The following PCDHA12 variants were observed in gnomAD, a reference collection of about 807,000 sequenced individuals.
The protein encoded by PCDHA12 is protocadherin alpha-12.
Under a neutral mutation model 60.0 loss-of-function variants are expected in PCDHA12, and 44 were observed. That is an observed-to-expected ratio of 0.73 (90% CI 0.58 to 0.94). The LOEUF (loss-of-function observed/expected upper bound fraction) is 0.94. Among genes scored for constraint, PCDHA12 ranks in the 40% least tolerant of loss-of-function variants. The pLI is 0.00. For missense variants in PCDHA12, 1,276 were observed against 1,239.7 expected (o/e 1.03, Z -0.44); for synonymous variants, 569 against 553.0 (o/e 1.03, Z -0.40).
intron 1 of PCDHA12, among the ~76,000 whole-genome samples, chr5:140,972,039 C>A (rs1274808907): frequency 2.6e-5 from 4 of 152,150 alleles, no homozygotes; most frequent in African/African-American, 9.7e-5. Context: ...TTTAAGCTAT[C>A]ACTAATTCAC....
chr5:140,884,305 G>C, intron 1 of PCDHA12: 1 of 1,613,720 alleles, frequency 6.2e-7, no homozygotes, highest in African/African-American at 1.3e-5. Flanking sequence ...CACAGGCTTC[G>C]TCGAGGGCGT....
intron 2 of PCDHA12, among the ~76,000 whole-genome samples, chr5:140,981,687 ATCATTCAT>A (rs200213847): frequency 3.3e-5 from 5 of 151,972 alleles, no homozygotes; most frequent in South Asian, 2.1e-4. Flanking sequence ...CCTCCCTTCC[ATCATTCAT>A]TCATTCATTC....
At chr5:140,891,644 T>C (rs1554184907) in intron 1 of PCDHA12, among the ~76,000 whole-genome samples, 1 of 152,246 alleles carries the variant, frequency 6.6e-6, no homozygotes, top group Non-Finnish European at 1.5e-5. Context: ...TGGGCTTTAT[T>C]GTGGATAGTT....
intron 1 of PCDHA12, among the ~76,000 whole-genome samples, chr5:140,959,564 G>T (rs1440482785): frequency 6.6e-6 from 1 of 152,072 alleles, no homozygotes; most frequent in Non-Finnish European, 1.5e-5. Flanking sequence ...ATCAGTACTA[G>T]ATTTTTTGTT....
chr5:140,969,148 G>T, intron 1 of PCDHA12: 1 of 1,614,102 alleles, frequency 6.2e-7, no homozygotes. Flanking sequence ...ACTGCTACAA[G>T]GCCTGTCTGA....
chr5:140,936,674 T>C (rs1410690822), intron 1 of PCDHA12, among the ~76,000 whole-genome samples: 6 of 152,228 alleles, frequency 3.9e-5, no homozygotes, highest in African/African-American at 1.4e-4. Context: ...GGACTGTCTA[T>C]TCTGTTTCAT....
At position 140,987,235 on chromosome 5, in the gene PCDHA12, T is replaced by G. The variant is rs189203030; in HGVS notation, c.2515+4672T>G. Among the ~76,000 whole-genome samples, 565 of 151,370 alleles carry G rather than the reference T, an allele frequency of 3.7e-3. 4 individuals are homozygous for G. The highest frequency in any genetic ancestry group is 0.013 in the African/African-American group (539 of 41,236). On this transcript the variant is annotated intron_variant, in intron 3 of 3. Transcript: ENST00000398631. Reference sequence around the variant, plus strand: ...TCTCAAAAAAAAAAAAAATAATAAATAAAGAAAGAAAGACATTCTCAGGAA... The same window carrying G: ...TCTCAAAAAAAAAAAAAATAATAAAGAAAGAAAGAAAGACATTCTCAGGAA...
Position 141,010,168 on chromosome 5 carries a change from C to T in PCDHA12, c.*231C>T. The T allele has an allele frequency of 6.4e-7, 1 of 1,561,094 alleles. No individual in the cohort carries two copies. On this transcript the variant is annotated 3_prime_UTR_variant, in exon 4 of 4. Coordinates refer to ENST00000398631, the MANE Select transcript of PCDHA12 (RefSeq NM_018903.4). Reference sequence around the variant, plus strand: ...TCTCCACTCTGGCTTGTTTTCAGAACCTAAAAAGCAGACCCAAGTTTCCTT... The same window carrying T: ...TCTCCACTCTGGCTTGTTTTCAGAATCTAAAAAGCAGACCCAAGTTTCCTT...
chr5:140,900,653 T>C (rs1163740859), intron 1 of PCDHA12, among the ~76,000 whole-genome samples: 1 of 152,220 alleles, frequency 6.6e-6, no homozygotes, highest in Non-Finnish European at 1.5e-5. Flanking sequence ...ACTGCTGCAA[T>C]GAACAATGGG....
chr5:140,928,525 G>A (rs200642808), intron 1 of PCDHA12: 1 of 1,614,182 alleles, frequency 6.2e-7, no homozygotes, highest in East Asian at 2.2e-5. Context: ...AAACTTGTTT[G>A]TGGTAGATAG....
intron 3 of PCDHA12, among the ~76,000 whole-genome samples, chr5:140,983,060 A>G (rs1460099092): frequency 6.6e-6 from 1 of 152,120 alleles, no homozygotes; most frequent in Non-Finnish European, 1.5e-5. Flanking sequence ...TATCGGAACC[A>G]AGGCATTGTT....
Position 140,875,329 on chromosome 5 carries a change from T to C in PCDHA12, c.-144T>C. ...ACCCACATTCCAATCATTCACGGAA[T>C]AGGATCGACTCCATAATGACTGTGA... On this transcript the variant is annotated 5_prime_UTR_variant, in exon 1 of 4. Transcript: ENST00000398631. 7.0e-7 allele frequency: 1 copy of C among 1,437,476 alleles called. No individual in the cohort carries two copies. The highest frequency in any genetic ancestry group is 9.1e-7 in the Non-Finnish European group (1 of 1,099,652). The allele number at this position is 1,437,476 out of a possible 1,614,324, so 89.0% of individuals were successfully genotyped here.
rs1481558429 is a variant in PCDHA12 at position 140,877,240 on chromosome 5, G to A, written c.1768G>A (p.Val590Met). Residue 590 changes from valine to methionine, a missense_variant, in exon 1 of 4, where the codon GTG becomes ATG. By Grantham distance (21) the Val-to-Met change is conservative. Coordinates refer to ENST00000398631, the MANE Select transcript of PCDHA12 (RefSeq NM_018903.4). ...LVPRSVGAGHVVAKVRAVDAD... is the reference protein window; with the variant it reads ...LVPRSVGAGHMVAKVRAVDAD... ...ACCGCGGTCGGTGGGTGCGGGCCACGTGGTGGCGAAAGTGCGCGCGGTGGA... is the reference window on the plus strand; with the variant it reads ...ACCGCGGTCGGTGGGTGCGGGCCACATGGTGGCGAAAGTGCGCGCGGTGGA... 1.2e-6 allele frequency: 2 copies of A among 1,613,736 alleles called. No individual in the cohort carries two copies. Among genetic ancestry groups the A allele is most frequent in the Non-Finnish European group, 1.7e-6 (2 of 1,179,762 alleles).
intron 3 of PCDHA12, among the ~76,000 whole-genome samples, chr5:141,000,512 CCTT>C (rs1340468179): frequency 2.1e-5 from 3 of 144,282 alleles, no homozygotes; most frequent in Non-Finnish European, 4.5e-5. Context: ...ACTGCAACCT[CCTT>C]CTCCAGGGTT....
intron 1 of PCDHA12, among the ~76,000 whole-genome samples, chr5:140,899,477 A>G (rs1309385245): frequency 3.3e-5 from 5 of 152,210 alleles, no homozygotes; most frequent in Non-Finnish European, 5.9e-5. Context: ...GGTTCTGTTT[A>G]TATGCTGGAT....
intron 3 of PCDHA12, among the ~76,000 whole-genome samples, chr5:140,983,854 T>A (rs1554245766): frequency 6.6e-6 from 1 of 152,206 alleles, no homozygotes; most frequent in Non-Finnish European, 1.5e-5. Flanking sequence ...TTAAGTAACA[T>A]GCAGCTAAGG....
intron 1 of PCDHA12, among the ~76,000 whole-genome samples, chr5:140,935,712 T>C (rs1480290454): frequency 1.3e-5 from 2 of 152,138 alleles, no homozygotes; most frequent in African/African-American, 4.8e-5. Context: ...TAAAACAAAA[T>C]ATATTTAGAG....
intron 1 of PCDHA12, chr5:140,966,752 C>T (rs1013247328): frequency 3.5e-6 from 5 of 1,432,026 alleles, no homozygotes; most frequent in Non-Finnish European, 4.6e-6. Flanking sequence ...GCTGCCTCCG[C>T]CGCGGCCAGT....
At chr5:140,902,043 G>A (rs1294111308) in intron 1 of PCDHA12, among the ~76,000 whole-genome samples, 2 of 151,980 alleles carry the variant, frequency 1.3e-5, no homozygotes, top group Non-Finnish European at 2.9e-5. Flanking sequence ...TTTGTATGTT[G>A]ATTTTGTATC....
Sources: allele counts gnomAD v4.1 joint callset (sites outside exome capture counted in the v4.1 genomes callset), GRCh38; gene constraint gnomAD v4.1.1; transcripts MANE v1.5; gene names NCBI Gene and HGNC (gene_info 2026-07-23, HGNC 2026-07-21).